The following PTK7 variants were observed in gnomAD, a reference collection of about 807,000 sequenced individuals.
The protein encoded by PTK7 is inactive tyrosine-protein kinase 7.
PTK7 carries 39 observed loss-of-function variants against 116.6 expected under a neutral mutation model. The ratio of observed to expected loss-of-function variants is 0.33; its 90% CI spans 0.26 to 0.44. The LOEUF is 0.44. Among genes scored for constraint, PTK7 ranks in the 20% least tolerant of loss-of-function variants. The pLI is 1.00. For missense variants in PTK7, 1,169 were observed against 1,425.6 expected (o/e 0.82, Z 2.90); for synonymous variants, 546 against 563.6 (o/e 0.97, Z 0.44).
chr6:43,148,692 T>C (rs1770865540), intron 17 of PTK7, among the ~76,000 whole-genome samples: 1 of 152,076 alleles, frequency 6.6e-6, no homozygotes, highest in Non-Finnish European at 1.5e-5. Context: ...GTCTTAAATA[T>C]GATGGGGGAA....
chr6:43,100,381 T>TC lies in PTK7; in HGVS notation c.79+23815dup, dbSNP rs1288285462. ...CTGGGTGACAGAGCGAGACTCCATC[T>TC]CAAAAAAAAAAAAAAATCATTAGGG... On this transcript the variant is annotated intron_variant, in intron 1 of 19. Coordinates refer to ENST00000230419, the MANE Select transcript of PTK7 (RefSeq NM_002821.5). 9.9e-5 allele frequency among the ~76,000 whole-genome samples: 12 copies of TC among 120,936 alleles called. No individual in the cohort carries two copies. In the East Asian group the frequency reaches 2.8e-3, roughly 28 times the overall value. 79.3% of individuals were successfully genotyped at this position (120,936 alleles called of 152,430 possible). A position where few individuals can be genotyped will look rare whatever the true frequency, so the allele number is the denominator to read the frequency against.
chr6:43,150,787 CTTTTTTTTTT>C (rs1176963526), intron 17 of PTK7, among the ~76,000 whole-genome samples: 1 of 60,742 alleles, frequency 1.6e-5, no homozygotes, highest in Admixed American at 2.3e-4. Context: ...GTAGACTCAG[CTTTTTTTTTT>C]TTTTTTTTTT....
chr6:43,089,577 C>T (rs1766835903), intron 1 of PTK7, among the ~76,000 whole-genome samples: 1 of 152,228 alleles, frequency 6.6e-6, no homozygotes, highest in South Asian at 2.1e-4. Flanking sequence ...AAGAACAAAG[C>T]ATTCTATCAG....
intron 15 of PTK7, 22 bp downstream of exon 15, chr6:43,144,628 T>C (rs752287614): frequency 5.7e-6 from 9 of 1,591,342 alleles, no homozygotes; most frequent in East Asian, 2.2e-5. Flanking sequence ...TGACTACAGC[T>C]GCCCCTGCCT....
In PTK7 at chr6:43,076,727, C is replaced by T; in HGVS notation, c.79+160C>T. On this transcript the variant is annotated intron_variant, in intron 1 of 19. Coordinates refer to ENST00000230419, the MANE Select transcript of PTK7 (RefSeq NM_002821.5). The surrounding 1 kb of genome is among the most constrained non-coding windows in gnomAD (Gnocchi z 5.7). ...GCTTGCGGCGGAAGGGCGCAAGGAG[C>T]CCGGGTGTCGGGAGGCTGGCGAAGC... 7.3e-7 allele frequency: 1 copy of T among 1,375,716 alleles called. No individual in the cohort carries two copies. 85.2% of individuals were successfully genotyped at this position (1,375,716 alleles called of 1,614,324 possible). A position where few individuals can be genotyped will look rare whatever the true frequency, so the allele number is the denominator to read the frequency against.
At chr6:43,093,183 CTTTT>C (rs72414606) in intron 1 of PTK7, among the ~76,000 whole-genome samples, 1 of 84,770 alleles carries the variant, frequency 1.2e-5, no homozygotes, top group East Asian at 3.8e-4. Context: ...ATAGGATCTC[CTTTT>C]TTTTTTTTTT....
chr6:43,093,183 CTTTTTTT>C (rs72414606), intron 1 of PTK7, among the ~76,000 whole-genome samples: 1 of 84,772 alleles, frequency 1.2e-5, no homozygotes, highest in African/African-American at 5.1e-5. Context: ...ATAGGATCTC[CTTTTTTT>C]TTTTTTTTTT....
intron 7 of PTK7, among the ~76,000 whole-genome samples, chr6:43,136,981 G>A (rs1027147684): frequency 2.0e-5 from 3 of 152,212 alleles, no homozygotes; most frequent in Non-Finnish European, 4.4e-5. Context: ...TCCAGCCTAG[G>A]TAACAGGATG....
At chr6:43,092,665 C>A (rs539286085) in intron 1 of PTK7, among the ~76,000 whole-genome samples, 2 of 152,226 alleles carry the variant, frequency 1.3e-5, no homozygotes, top group East Asian at 3.9e-4. Flanking sequence ...AATAATGGAG[C>A]ATCTTCTAAA....
rs143837963 is a variant in PTK7, at chr6:43,152,543, A to G, written c.2721+5845A>G. On this transcript the variant is annotated intron_variant, in intron 17 of 19. Coordinates refer to ENST00000230419, the MANE Select transcript of PTK7 (RefSeq NM_002821.5). The stretch of plus-strand genomic sequence containing the variant: ...CTCCGTCTGGATGAGGTTTTTCCCA[A>G]CTCTAATTACATCATTCATTTAGCA... Among the ~76,000 whole-genome samples the G allele has an allele frequency of 1.1e-4, 17 of 152,124 alleles. No homozygotes were observed. The East Asian group carries it at 3.1e-3, about 28-fold the overall frequency.
chr6:43,156,621 C>T (rs935632345), intron 17 of PTK7, among the ~76,000 whole-genome samples: 1 of 151,756 alleles, frequency 6.6e-6, no homozygotes, highest in Non-Finnish European at 1.5e-5. Flanking sequence ...AAAATAAAGG[C>T]CGGGCACAGT....
chr6:43,125,311 C>T (rs1229864624), intron 1 of PTK7, among the ~76,000 whole-genome samples: 1 of 152,220 alleles, frequency 6.6e-6, no homozygotes, highest in African/African-American at 2.4e-5. Flanking sequence ...GTCGTTGGGG[C>T]ACAGGGGGCT....
At chr6:43,149,474 G>A (rs747058928) in intron 17 of PTK7, among the ~76,000 whole-genome samples, 2 of 152,230 alleles carry the variant, frequency 1.3e-5, no homozygotes, top group Non-Finnish European at 2.9e-5. Flanking sequence ...AAGCTCTCCA[G>A]CTGATTCCTA....
chr6:43,138,762 G>C lies in PTK7; in HGVS notation c.1229-87G>C, dbSNP rs1770198114. ...ATGGGGCTTCTGAACTCAGGGCCTA[G>C]AATGGTAGTAGGATTTCTTGGAGAT... On this transcript the variant is annotated intron_variant, in intron 7 of 19. Transcript: ENST00000230419. 6 of 1,503,272 alleles carry C rather than the reference G, an allele frequency of 4.0e-6. No individual in the cohort carries two copies. In the South Asian group the frequency reaches 8.1e-5, roughly 20 times the overall value. The allele number at this position is 1,503,272 out of a possible 1,614,324, so 93.1% of individuals were successfully genotyped here.
At position 43,160,890 on chromosome 6, in the gene PTK7, C is replaced by T; in HGVS notation, c.*9C>T. The T allele has an allele frequency of 6.2e-7, 1 of 1,613,102 alleles. No homozygotes were observed. Among genetic ancestry groups the T allele is most frequent in the Non-Finnish European group, 8.5e-7 (1 of 1,179,778 alleles). On this transcript the variant is annotated 3_prime_UTR_variant, in exon 20 of 20. Coordinates refer to ENST00000230419, the MANE Select transcript of PTK7 (RefSeq NM_002821.5). ...TGGACAGCAAGCCGTGAGGAGGGAG[C>T]CCGCTCAGGATGGCCTGGGCAGGGG...
At position 43,145,491 on chromosome 6, in the gene PTK7, G is replaced by A. The variant is rs1370348688; in HGVS notation, c.2640+59G>A. 3 of 1,359,128 alleles carry A rather than the reference G, an allele frequency of 2.2e-6. No homozygotes were observed. Among genetic ancestry groups the A allele is most frequent in the East Asian group, 2.4e-5 (1 of 42,260 alleles). The allele number at this position is 1,359,128 out of a possible 1,614,324, so 84.2% of individuals were successfully genotyped here. A position where few individuals can be genotyped will look rare whatever the true frequency, so the allele number is the denominator to read the frequency against. On this transcript the variant is annotated intron_variant, in intron 16 of 19. Transcript: ENST00000230419. This position sits in a 1 kb window ranked among gnomAD's most constrained non-coding sequence, Gnocchi z 4.8. ...GTAGGGAGGGCAGTGTCCTACAAAG[G>A]TGGGAGTCAGTGGTTGGAGCACCGT...
rs561472590 is a variant in PTK7 at position 43,077,195 on chromosome 6, G to A, written c.79+628G>A. ...TCCATGGCCTCTAGCTACTGGTCTG[G>A]AACCCTGCGCCCACTCCGTGCCAGG... is the stretch of plus-strand genomic sequence containing the variant. On this transcript the variant is annotated intron_variant, in intron 1 of 19. Transcript: ENST00000230419. Among the ~76,000 whole-genome samples, 20 of 152,356 alleles carry A rather than the reference G, an allele frequency of 1.3e-4. No individual in the cohort carries two copies. The East Asian group carries it at 1.7e-3, about 13-fold the overall frequency.
intron 17 of PTK7, among the ~76,000 whole-genome samples, chr6:43,154,431 TTGAC>T (rs1771301095): frequency 6.6e-6 from 1 of 152,190 alleles, no homozygotes; most frequent in Non-Finnish European, 1.5e-5. Flanking sequence ...AAAAAACTTT[TTGAC>T]TGGGCAAAAA....
At chr6:43,097,263 C>T (rs1767317300) in intron 1 of PTK7, among the ~76,000 whole-genome samples, 1 of 152,194 alleles carries the variant, frequency 6.6e-6, no homozygotes, top group Non-Finnish European at 1.5e-5. Context: ...TCTGTACTCC[C>T]TCACCCCATC....
Sources: gnomAD v4.1 joint callset for allele counts (sites outside exome capture counted in the v4.1 genomes callset) on GRCh38, gnomAD v4.1.1 for gene constraint, Gnocchi (gnomAD v3.1) non-coding constraint, MANE v1.5 for transcripts, NCBI Gene and HGNC (gene_info 2026-07-23, HGNC 2026-07-21) for gene names.